Variants in AKIRIN2 observed in about 807,000 individuals in gnomAD.
AKIRIN2 encodes the protein akirin-2.
AKIRIN2 carries 6 observed loss-of-function variants against 29.3 expected under a neutral mutation model. The ratio of observed to expected loss-of-function variants is 0.20; its 90% confidence interval spans 0.11 to 0.40. The LOEUF is 0.40. Among genes scored for constraint, AKIRIN2 ranks in the 10% least tolerant of loss-of-function variants. The pLI, the probability that AKIRIN2 is intolerant of heterozygous loss-of-function variation, is 1.00. For missense variants in AKIRIN2, 210 were observed against 276.1 expected, an observed-to-expected ratio of 0.76 and a Z score of 1.70; for synonymous variants, 128 against 117.5, an observed-to-expected ratio of 1.09 and a Z score of -0.58.
At chr6:87,676,596 A>AACACGCACGCGCGCAC (rs1554256928) in intron 3 of AKIRIN2, among the ~76,000 whole-genome samples, 14 of 142,046 alleles carry the variant, frequency 9.9e-5, no homozygotes, top group African/African-American at 3.5e-4. Flanking sequence ...CTCTACTAAA[A>AACACGCACGCGCGCAC]ACACACACAC....
chr6:87,679,115 A>T (rs1313583536), intron 2 of AKIRIN2, among the ~76,000 whole-genome samples: 1 of 145,746 alleles, frequency 6.9e-6, no homozygotes, highest in Non-Finnish European at 1.5e-5. Context: ...AGCCTAGGCA[A>T]CAAGAGTGAA....
chr6:87,676,039 C>T (rs974092789), intron 3 of AKIRIN2, 108 bp from the exon 4 acceptor site: 1 of 846,024 alleles, frequency 1.2e-6, no homozygotes, highest in Non-Finnish European at 1.9e-6. Context: ...GACAAAATCA[C>T]TTACATAACC....
Position 87,676,188 on chromosome 6 carries a change from G to A in AKIRIN2, c.530-257C>T, listed in dbSNP as rs557813146. 2.0e-5 allele frequency among the ~76,000 whole-genome samples: 3 copies of A among 152,170 alleles called. No individual in the cohort carries two copies. In the East Asian group the frequency reaches 5.8e-4, roughly 29 times the overall value. The stretch of plus-strand genomic sequence containing the variant: ...TTTCCTAACAAAAAGGCTGGGACCG[G>A]GTGCGGTGGCTCACGCCTGTAATCC... On this transcript the variant is annotated intron_variant, in intron 3 of 4. Coordinates refer to ENST00000257787, the MANE Select transcript of AKIRIN2 (RefSeq NM_018064.4).
intron 1 of AKIRIN2, among the ~76,000 whole-genome samples, chr6:87,692,513 T>C (rs889385835): frequency 2.0e-5 from 3 of 152,180 alleles, no homozygotes; most frequent in Admixed American, 2.0e-4. Context: ...CATTTAATGT[T>C]AAAATAAATC....
intron 1 of AKIRIN2, among the ~76,000 whole-genome samples, chr6:87,699,474 T>A (rs1329990020): frequency 6.6e-6 from 1 of 152,002 alleles, no homozygotes; most frequent in Non-Finnish European, 1.5e-5. Flanking sequence ...TTTAGCAGAC[T>A]CAGAATCAAT....
intron 1 of AKIRIN2, among the ~76,000 whole-genome samples, chr6:87,688,923 G>A (rs1431250351): frequency 6.6e-6 from 1 of 152,134 alleles, no homozygotes; most frequent in African/African-American, 2.4e-5. Flanking sequence ...TACCTGCAGG[G>A]TTTTAACAAA....
chr6:87,682,877 G>C (rs751187371), intron 1 of AKIRIN2, among the ~76,000 whole-genome samples: 1 of 152,082 alleles, frequency 6.6e-6, no homozygotes, highest in Non-Finnish European at 1.5e-5. Flanking sequence ...GATCACTAGA[G>C]GCCAAGAGTT....
At chr6:87,676,594 AAAAC>A (rs1562395527) in intron 3 of AKIRIN2, among the ~76,000 whole-genome samples, 3 of 66,004 alleles carry the variant, frequency 4.5e-5, no homozygotes, top group African/African-American at 1.7e-4. Context: ...GTCTCTACTA[AAAAC>A]ACACACACAC....
At chr6:87,680,570 C>T (rs1318494285) in intron 2 of AKIRIN2, among the ~76,000 whole-genome samples, 3 of 151,626 alleles carry the variant, frequency 2.0e-5, no homozygotes, top group South Asian at 2.1e-4. Context: ...CGCGCCCAGC[C>T]GCAAATTTTT....
intron 1 of AKIRIN2, among the ~76,000 whole-genome samples, chr6:87,689,646 A>G (rs190676109): frequency 1.8e-4 from 27 of 152,366 alleles, no homozygotes; most frequent in African/African-American, 4.8e-4. Context: ...GGAAAACCAG[A>G]TAACACAGCA....
chr6:87,679,345 C>T (rs1582117170), intron 2 of AKIRIN2, among the ~76,000 whole-genome samples: 1 of 143,244 alleles, frequency 7.0e-6, no homozygotes, highest in East Asian at 1.9e-4. Flanking sequence ...CGCAACATGG[C>T]AAACCATGTC....
chr6:87,692,774 C>G (rs185948942), intron 1 of AKIRIN2, among the ~76,000 whole-genome samples: 57 of 152,326 alleles, frequency 3.7e-4, no homozygotes, highest in African/African-American at 1.3e-3. Context: ...CGTGCCACTG[C>G]ACTCCAGCCT....
intron 1 of AKIRIN2, 126 bp from the exon 2 acceptor site, chr6:87,681,889 T>C (rs1301669000): frequency 4.8e-6 from 4 of 834,216 alleles, no homozygotes; most frequent in Non-Finnish European, 7.1e-6. Flanking sequence ...TCCAGAAAAC[T>C]GACATTTTGG....
At chr6:87,676,235 C>T (rs544484929) in intron 3 of AKIRIN2, among the ~76,000 whole-genome samples, 23 of 151,678 alleles carry the variant, frequency 1.5e-4, no homozygotes, top group South Asian at 4.2e-4. Flanking sequence ...GAGGCCGAGG[C>T]GGGCGGATCA....
intron 1 of AKIRIN2, among the ~76,000 whole-genome samples, chr6:87,699,168 T>C (rs1444183797): frequency 2.6e-5 from 4 of 152,152 alleles, no homozygotes; most frequent in African/African-American, 7.2e-5. Context: ...GGTGTTAAAA[T>C]AGGAAGCTAA....
chr6:87,695,936 G>A (rs1771352818), intron 1 of AKIRIN2, among the ~76,000 whole-genome samples: 1 of 152,170 alleles, frequency 6.6e-6, no homozygotes, highest in South Asian at 2.1e-4. Flanking sequence ...CCAGCACTTT[G>A]GGAGGCTGAA....
chr6:87,696,743 C>G (rs1368768672), intron 1 of AKIRIN2, among the ~76,000 whole-genome samples: 3 of 149,338 alleles, frequency 2.0e-5, no homozygotes, highest in Non-Finnish European at 3.0e-5. Context: ...CGCGGTGGCT[C>G]ACGCCTGTAA....
intron 1 of AKIRIN2, among the ~76,000 whole-genome samples, chr6:87,689,849 T>A (rs62417757): frequency 0.032 from 4,815 of 152,340 alleles, 98 homozygotes; most frequent in Middle Eastern, 0.054. Context: ...AGTTCCCTCC[T>A]AGTTTACTTT....
chr6:87,691,822 A>AG (rs1037897668), intron 1 of AKIRIN2, among the ~76,000 whole-genome samples: 1 of 152,244 alleles, frequency 6.6e-6, no homozygotes, highest in African/African-American at 2.4e-5. Flanking sequence ...GAGCTGCTTG[A>AG]GGCATGTCAG....
Sources: gnomAD v4.1 joint callset for allele counts (sites outside exome capture counted in the v4.1 genomes callset) on GRCh38, gnomAD v4.1.1 for gene constraint, MANE v1.5 for transcripts, NCBI Gene and HGNC (gene_info 2026-07-23, HGNC 2026-07-21) for gene names.